UBE2D4: variants seen among roughly 807,000 people sequenced by gnomAD.
UBE2D4 encodes the protein ubiquitin-conjugating enzyme E2 D4.
UBE2D4 carries 17 observed loss-of-function variants against 23.0 expected under a neutral mutation model. The observed-to-expected ratio is 0.74, with a 90% CI of 0.51 to 1.11. UBE2D4 has a LOEUF of 1.11. UBE2D4 is among the 50% of genes least tolerant of loss of function. UBE2D4 has a pLI of 0.00. For missense variants in UBE2D4, 139 were observed against 181.8 expected, an observed-to-expected ratio of 0.76 and a Z score of 1.35; for synonymous variants, 61 against 69.4, an observed-to-expected ratio of 0.88 and a Z score of 0.60.
At chr7:43,950,507 C>A in intron 5 of UBE2D4, 92 bp from the exon 6 acceptor site, 2 of 953,398 alleles carry the variant, frequency 2.1e-6, no homozygotes, top group Non-Finnish European at 1.7e-6. Context: ...ACTGCTTGGT[C>A]AAAATACAGA....
At chr7:43,941,495 T>G (rs973699406) in intron 2 of UBE2D4, 2 of 152,140 alleles carry the variant, frequency 1.3e-5, no homozygotes, top group African/African-American at 4.8e-5. Context: ...AAGGGAAGCA[T>G]GAGAGGGGCT....
At chr7:43,932,438 A>G (rs751082513) in intron 1 of UBE2D4, among the ~76,000 whole-genome samples, 3 of 152,234 alleles carry the variant, frequency 2.0e-5, no homozygotes, top group African/African-American at 7.2e-5. Flanking sequence ...ACACAGATCC[A>G]AACTATATCA....
chr7:43,935,360 A>G (rs1050571359), intron 1 of UBE2D4, among the ~76,000 whole-genome samples: 1 of 152,194 alleles, frequency 6.6e-6, no homozygotes, highest in African/African-American at 2.4e-5. Flanking sequence ...AAATATTTTT[A>G]CTGCTTCATC....
At position 43,953,376 on chromosome 7, in the gene UBE2D4, G is replaced by C; in HGVS notation, c.*681G>C. On this transcript the variant is annotated 3_prime_UTR_variant, in exon 7 of 7. Transcript: ENST00000222402. ...ATAAGAGATGATTATGTTTTTAGAA[G>C]CAAGAGCAAAATTATGAAACCTCTA... 5.7e-6 allele frequency: 2 copies of C among 350,836 alleles called. No individual in the cohort carries two copies. The highest frequency in any genetic ancestry group is 4.2e-5 in the South Asian group (2 of 47,116). The allele number at this position is 350,836 out of a possible 1,614,324, so 21.7% of individuals were successfully genotyped here.
intron 1 of UBE2D4, 118 bp downstream of exon 1, chr7:43,926,674 C>T (rs1260229822): frequency 3.5e-6 from 4 of 1,138,396 alleles, no homozygotes; most frequent in African/African-American, 3.3e-5. Context: ...ATACACCTGC[C>T]TGGGAAGGAG....
chr7:43,939,908 G>A (rs535505825), intron 2 of UBE2D4, among the ~76,000 whole-genome samples: 1 of 152,198 alleles, frequency 6.6e-6, no homozygotes, highest in East Asian at 1.9e-4. Flanking sequence ...ATTTGTTGGG[G>A]GTGATGGAAA....
chr7:43,945,609 C>G (rs1408627355), intron 4 of UBE2D4, among the ~76,000 whole-genome samples: 1 of 151,968 alleles, frequency 6.6e-6, no homozygotes, highest in Non-Finnish European at 1.5e-5. Context: ...AGCTCACATG[C>G]ACACAACTCT....
At chr7:43,943,670 CA>C (rs952313949) in intron 4 of UBE2D4, 3 of 154,310 alleles carry the variant, frequency 1.9e-5, no homozygotes, top group Admixed American at 6.4e-5. Context: ...ACCATCCCAT[CA>C]GTGGAGCTTT....
chr7:43,933,741 C>T (rs1278355865), intron 1 of UBE2D4, among the ~76,000 whole-genome samples: 2 of 151,988 alleles, frequency 1.3e-5, no homozygotes, highest in African/African-American at 4.8e-5. Flanking sequence ...GAGACCCTGT[C>T]TCTAAAAATA....
chr7:43,937,862 C>T (rs950058422), intron 1 of UBE2D4, among the ~76,000 whole-genome samples: 1 of 82,406 alleles, frequency 1.2e-5, no homozygotes, highest in Non-Finnish European at 2.6e-5. Context: ...CTTTGGCTCA[C>T]GTGCCAGTCT....
chr7:43,952,290 T>G (rs1352522530), intron 6 of UBE2D4: 1 of 240,296 alleles, frequency 4.2e-6, no homozygotes, highest in Admixed American at 4.7e-5. Flanking sequence ...CTGGACGGCC[T>G]GTAACTAGTA....
intron 4 of UBE2D4, chr7:43,943,246 T>G: frequency 1.7e-6 from 1 of 605,302 alleles, no homozygotes; most frequent in Non-Finnish European, 2.9e-6. Context: ...GAGCTGGTGC[T>G]GGCCTTACTG....
chr7:43,935,290 T>G (rs908298129), intron 1 of UBE2D4, among the ~76,000 whole-genome samples: 1 of 152,206 alleles, frequency 6.6e-6, no homozygotes, highest in Non-Finnish European at 1.5e-5. Context: ...AACTATTAAC[T>G]TTTAGGTTGG....
chr7:43,931,862 T>C (rs1275853633), intron 1 of UBE2D4, among the ~76,000 whole-genome samples: 2 of 152,120 alleles, frequency 1.3e-5, no homozygotes, highest in Non-Finnish European at 2.9e-5. Context: ...CTTTTTTTTG[T>C]ATTTTTAGTA....
intron 1 of UBE2D4, 70 bp downstream of exon 1, chr7:43,926,626 C>T: frequency 3.4e-6 from 5 of 1,469,146 alleles, no homozygotes; most frequent in Non-Finnish European, 4.5e-6. Flanking sequence ...GCGCCGCTGC[C>T]GTGAAGTGAA....
intron 4 of UBE2D4, among the ~76,000 whole-genome samples, chr7:43,947,383 A>G (rs552701732): frequency 8.4e-4 from 128 of 152,232 alleles, no homozygotes; most frequent in Middle Eastern, 3.4e-3. Flanking sequence ...CGCCTGTCTC[A>G]GCCTCCCAAA....
At chr7:43,933,033 CATATGTATGTGTGTATATATATA>C (rs1562597778) in intron 1 of UBE2D4, among the ~76,000 whole-genome samples, 16 of 134,970 alleles carry the variant, frequency 1.2e-4, no homozygotes, top group African/African-American at 3.9e-4. Flanking sequence ...TATATATACA[CATATGTATGTGTGTATATATATA>C]ACATATATAC....
In UBE2D4 at chr7:43,948,665, A is replaced by G. The variant is rs747041294; in HGVS notation, c.232A>G (p.Ile78Val). The part of the protein sequence containing the change: ...AFTTKIYHPN[I>V]NSNGSICLDI... ...CACAACCAAAATTTATCACCCTAAT[A>G]TCAACAGCAATGGCAGCATCTGCCT... Residue 78 changes from isoleucine (I) to valine (V), a missense_variant, in exon 5 of 7, where the codon ATC becomes GTC. Coordinates refer to ENST00000222402, the MANE Select transcript of UBE2D4 (RefSeq NM_015983.4). 27 of 1,613,322 alleles carry G rather than the reference A, an allele frequency of 1.7e-5. No homozygotes were observed. Among genetic ancestry groups the G allele is most frequent in the Non-Finnish European group, 1.7e-5 (20 of 1,179,746 alleles).
At chr7:43,948,518 C>T in intron 4 of UBE2D4, 114 bp from the exon 5 acceptor site, 1 of 685,554 alleles carries the variant, frequency 1.5e-6, no homozygotes, top group East Asian at 2.5e-5. Flanking sequence ...CACTGTGGGG[C>T]CAGGTATGCA....
Sources: gnomAD v4.1 joint callset for allele counts (sites outside exome capture counted in the v4.1 genomes callset) on GRCh38, gnomAD v4.1.1 for gene constraint, MANE v1.5 for transcripts, NCBI Gene and HGNC (gene_info 2026-07-23, HGNC 2026-07-21) for gene names.